The following NEDD4L variants were observed in gnomAD, a reference collection of about 807,000 sequenced individuals.
NEDD4L encodes NEDD4 like E3 ubiquitin protein ligase, also known as E3 ubiquitin-protein ligase NEDD4-like.
Under a neutral mutation model 148.9 loss-of-function variants are expected in NEDD4L, and 54 were observed. The observed-to-expected ratio is 0.36, with a 90% confidence interval of 0.29 to 0.45. NEDD4L has a LOEUF of 0.45. Among genes scored for constraint, NEDD4L ranks in the 20% least tolerant of loss-of-function variants. The pLI is 1.00. For missense variants in NEDD4L, 856 were observed against 1,233.8 expected (o/e 0.69, Z 4.59); for synonymous variants, 433 against 440.7 (o/e 0.98, Z 0.22).
At chr18:58,257,557 G>A (rs78136604) in intron 5 of NEDD4L, among the ~76,000 whole-genome samples, 276 of 152,248 alleles carry the variant, frequency 1.8e-3, no homozygotes, top group African/African-American at 6.1e-3. Flanking sequence ...TGTCCAAGCC[G>A]AGGATGCTGT....
intron 1 of NEDD4L, among the ~76,000 whole-genome samples, chr18:58,137,020 ATG>A (rs1275374792): frequency 6.6e-6 from 1 of 152,234 alleles, no homozygotes; most frequent in African/African-American, 2.4e-5. Context: ...CTGCCATTGT[ATG>A]TGTATCTTGA....
intron 5 of NEDD4L, among the ~76,000 whole-genome samples, chr18:58,315,248 A>G (rs2058135275): frequency 6.6e-6 from 1 of 152,186 alleles, no homozygotes; most frequent in Middle Eastern, 3.2e-3. Flanking sequence ...ACTGTGGTCC[A>G]GGCCAGTGAC....
intron 5 of NEDD4L, among the ~76,000 whole-genome samples, chr18:58,273,805 G>A (rs898681256): frequency 3.3e-5 from 5 of 152,182 alleles, no homozygotes; most frequent in African/African-American, 7.2e-5. Context: ...AACCTTCGGC[G>A]CGGATTTTAA....
At position 58,398,780 on chromosome 18, in the gene NEDD4L, C is replaced by T. The variant is rs544473595; in HGVS notation, c.*2511C>T. On this transcript the variant is annotated 3_prime_UTR_variant, in exon 31 of 31. Coordinates refer to ENST00000400345, the MANE Select transcript of NEDD4L (RefSeq NM_001144967.3). ...TCTTGATTTCTCTGAATCGTGATGA[C>T]CACACCCAGTCATCTTCACAGCATA... The T allele has an allele frequency of 6.6e-6, 1 of 152,218 alleles. No individual in the cohort carries two copies. Among genetic ancestry groups the T allele is most frequent in the Non-Finnish European group, 1.5e-5 (1 of 68,046 alleles). 9.4% of individuals were successfully genotyped at this position (152,218 alleles called of 1,614,324 possible).
intron 18 of NEDD4L, among the ~76,000 whole-genome samples, chr18:58,355,909 C>G (rs747984246): frequency 6.6e-6 from 1 of 151,422 alleles, no homozygotes. Context: ...TTATTCTTAT[C>G]AGCTCACTTA....
At chr18:58,187,442 T>A (rs1358379166) in intron 2 of NEDD4L, among the ~76,000 whole-genome samples, 1 of 152,142 alleles carries the variant, frequency 6.6e-6, no homozygotes, top group East Asian at 1.9e-4. Context: ...AGGGAAACCC[T>A]TTTCTTAGGT....
chr18:58,155,482 G>A (rs990445191), intron 1 of NEDD4L, among the ~76,000 whole-genome samples: 2 of 152,132 alleles, frequency 1.3e-5, no homozygotes, highest in African/African-American at 4.8e-5. Context: ...TTTTTTAGTC[G>A]TTTATCTTGC....
chr18:58,337,566 CTTTA>C (rs1568750962), intron 13 of NEDD4L, among the ~76,000 whole-genome samples: 1 of 152,086 alleles, frequency 6.6e-6, no homozygotes, highest in African/African-American at 2.4e-5. Flanking sequence ...CATTGTGCCA[CTTTA>C]TTTTATTTTT....
At chr18:58,214,645 T>TTTG (rs142084003) in intron 2 of NEDD4L, among the ~76,000 whole-genome samples, 5 of 123,696 alleles carry the variant, frequency 4.0e-5, no homozygotes, top group South Asian at 2.6e-4. Context: ...GTGTGTGTGT[T>TTTG]TTGTTGTTGT....
intron 5 of NEDD4L, among the ~76,000 whole-genome samples, chr18:58,306,139 G>A (rs1016087327): frequency 6.6e-5 from 10 of 152,036 alleles, no homozygotes; most frequent in African/African-American, 2.4e-4. Context: ...ATGCCAGATC[G>A]GTTTCAAGGA....
intron 2 of NEDD4L, among the ~76,000 whole-genome samples, chr18:58,230,671 C>T (rs778692617): frequency 1.2e-4 from 19 of 152,030 alleles, no homozygotes; most frequent in Middle Eastern, 3.2e-3. Flanking sequence ...ACCCTGTTTC[C>T]GAAGAAGGTC....
rs2050061568 is a variant in NEDD4L, at chr18:58,393,271, C to T, written c.2825+1712C>T. On this transcript the variant is annotated intron_variant, in intron 30 of 30. Coordinates refer to ENST00000400345, the MANE Select transcript of NEDD4L (RefSeq NM_001144967.3). ...TAAGACCTCTGAACTCAGTGGTTCT[C>T]AACCTCAGCTGCATGTTGGAACCAT... Among the ~76,000 whole-genome samples, 3 of 152,210 alleles carry T rather than the reference C, an allele frequency of 2.0e-5. No homozygotes were observed. The South Asian group carries it at 6.2e-4, about 32-fold the overall frequency.
chr18:58,268,537 T>G (rs1424533919), intron 5 of NEDD4L, among the ~76,000 whole-genome samples: 2 of 152,046 alleles, frequency 1.3e-5, no homozygotes. Context: ...CACCCCTAGT[T>G]TATCATGTGT....
Position 58,374,450 on chromosome 18 carries a change from C to T in NEDD4L, c.2352+1181C>T, listed in dbSNP as rs546120718. Among the ~76,000 whole-genome samples, 3 of 152,246 alleles carry T rather than the reference C, an allele frequency of 2.0e-5. No homozygotes were observed. The South Asian group carries it at 6.2e-4, about 32-fold the overall frequency. Reference sequence around the variant, plus strand: ...TAAAAATCTCCTTTTGTGCCCCCTCCCCACTGCCCCCCTTTCCCGGCCTCC... The same window carrying T: ...TAAAAATCTCCTTTTGTGCCCCCTCTCCACTGCCCCCCTTTCCCGGCCTCC... On this transcript the variant is annotated intron_variant, in intron 24 of 30. Coordinates refer to ENST00000400345, the MANE Select transcript of NEDD4L (RefSeq NM_001144967.3).
chr18:58,205,772 T>G (rs2041922262), intron 2 of NEDD4L, among the ~76,000 whole-genome samples: 1 of 152,010 alleles, frequency 6.6e-6, no homozygotes, highest in African/African-American at 2.4e-5. Flanking sequence ...CCTGGCATTC[T>G]GGTAGAATAT....
intron 13 of NEDD4L, 169 bp downstream of exon 13, chr18:58,335,706 T>C (rs1370366398): frequency 1.7e-6 from 1 of 587,030 alleles, no homozygotes; most frequent in East Asian, 2.9e-5. Context: ...TGTTTAAAGG[T>C]ACTGGGTAAA....
intron 1 of NEDD4L, chr18:58,149,700 A>G: frequency 1.5e-6 from 1 of 679,444 alleles, no homozygotes; most frequent in Non-Finnish European, 2.7e-6. Context: ...TCTTTAACAT[A>G]ATTGACCTGA....
intron 1 of NEDD4L, among the ~76,000 whole-genome samples, chr18:58,060,501 C>T (rs886745695): frequency 6.6e-6 from 1 of 151,972 alleles, no homozygotes; most frequent in African/African-American, 2.4e-5. Context: ...GCTGTCCAGG[C>T]AGAAATGGTG....
intron 12 of NEDD4L, 103 bp from the exon 13 acceptor site, chr18:58,335,375 C>G: frequency 1.1e-6 from 1 of 917,900 alleles, no homozygotes; most frequent in South Asian, 1.4e-5. Flanking sequence ...ATTCTGATCT[C>G]ACGTCACCTG....
Sources: gnomAD v4.1 joint callset for allele counts (sites outside exome capture counted in the v4.1 genomes callset) on GRCh38, gnomAD v4.1.1 for gene constraint, MANE v1.5 for transcripts, NCBI Gene and HGNC (gene_info 2026-07-23, HGNC 2026-07-21) for gene names.